Variants in KIRREL1 observed in about 807,000 individuals in gnomAD.
KIRREL1 encodes the protein kin of IRRE-like protein 1.
A neutral mutation model predicts 83.3 loss-of-function variants in KIRREL1; 25 were observed. The ratio of observed to expected loss-of-function variants is 0.30; its 90% CI spans 0.22 to 0.42. The LOEUF (loss-of-function observed/expected upper bound fraction) is 0.42. Among genes scored for constraint, KIRREL1 ranks in the 10% least tolerant of loss-of-function variants. The probability of loss-of-function intolerance (pLI) is 1.00; values close to 1 mark genes in which losing one functional copy is unlikely to be tolerated. For missense variants in KIRREL1, 812 were observed against 1,032.3 expected (o/e 0.79, Z 2.92); for synonymous variants, 388 against 410.4 (o/e 0.95, Z 0.66).
At chr1:158,093,850 C>G (rs1662276780) in intron 13 of KIRREL1, 88 bp downstream of exon 13, 3 of 1,413,734 alleles carry the variant, frequency 2.1e-6, no homozygotes. Flanking sequence ...CGCGGTCATT[C>G]TCTCCTTCCT....
intron 3 of KIRREL1, among the ~76,000 whole-genome samples, chr1:158,080,868 C>T (rs1449680370): frequency 1.3e-5 from 2 of 152,240 alleles, no homozygotes; most frequent in Non-Finnish European, 2.9e-5. Flanking sequence ...TCCCTTCCTG[C>T]GTACCTGCTT....
chr1:158,041,577 C>T (rs1009925250), intron 1 of KIRREL1, among the ~76,000 whole-genome samples: 12 of 152,150 alleles, frequency 7.9e-5, no homozygotes, highest in African/African-American at 2.2e-4. Context: ...CTGAGGGACC[C>T]CTGCCCTCTG....
Position 158,094,170 on chromosome 1 carries a change from G to T in KIRREL1, c.1720-143G>T. 1.4e-6 allele frequency: 1 copy of T among 725,072 alleles called. No individual in the cohort carries two copies. Among genetic ancestry groups the T allele is most frequent in the Non-Finnish European group, 2.5e-6 (1 of 405,990 alleles). 44.9% of individuals were successfully genotyped at this position (725,072 alleles called of 1,614,324 possible). ...CTTCCCACCACATCCCAGAGCCTCT[G>T]CTGAGAGGACCAGAACTCAAGTCTG... On this transcript the variant is annotated intron_variant, in intron 13 of 14. Coordinates refer to ENST00000359209, the MANE Select transcript of KIRREL1 (RefSeq NM_018240.7). The surrounding 1 kb of genome is among the most constrained non-coding windows in gnomAD (Gnocchi z 4.6).
intron 1 of KIRREL1, among the ~76,000 whole-genome samples, chr1:158,074,685 G>A (rs941402597): frequency 6.6e-6 from 1 of 152,142 alleles, no homozygotes; most frequent in South Asian, 2.1e-4. Flanking sequence ...CCTGGAAGAG[G>A]GACATGTAGA....
intron 1 of KIRREL1, among the ~76,000 whole-genome samples, chr1:158,049,767 G>A (rs919360726): frequency 4.6e-5 from 7 of 152,144 alleles, no homozygotes; most frequent in African/African-American, 1.4e-4. Flanking sequence ...ACCTATTTAG[G>A]AGGGATATTT....
chr1:158,021,081 C>G (rs949559969), intron 1 of KIRREL1, among the ~76,000 whole-genome samples: 5 of 152,082 alleles, frequency 3.3e-5, no homozygotes, highest in African/African-American at 7.2e-5. Context: ...CAGCAGCAAC[C>G]TAAAAATGGC....
At chr1:158,042,212 G>GGTGT (rs10577493) in intron 1 of KIRREL1, among the ~76,000 whole-genome samples, 12,206 of 137,598 alleles carry the variant, frequency 0.089, 572 homozygotes, top group Non-Finnish European at 0.11. Flanking sequence ...TCTTCTCCAG[G>GGTGT]GTGTGTGTGT....
At position 158,095,104 on chromosome 1, in the gene KIRREL1, T is replaced by C; in HGVS notation, c.2258T>C (p.Met753Thr). Residue 753 changes from methionine (M) to threonine (T), a missense_variant, in exon 15 of 15, where the codon ATG becomes ACG. Transcript: ENST00000359209. ...TACGGCCAGCGATTCCAGCAGCGCATGCAGACTCACGTGTAGGGGCCAGAG... is the reference window on the plus strand; with the variant it reads ...TACGGCCAGCGATTCCAGCAGCGCACGCAGACTCACGTGTAGGGGCCAGAG... Reference protein sequence around the residue: ...SDYGQRFQQRMQTHV With the variant: ...SDYGQRFQQRTQTHV 1.2e-6 allele frequency: 2 copies of C among 1,601,300 alleles called. No homozygotes were observed. Among genetic ancestry groups the C allele is most frequent in the Non-Finnish European group, 1.7e-6 (2 of 1,171,440 alleles).
chr1:158,094,346 C>T lies in KIRREL1; in HGVS notation c.1753C>T (p.Leu585=), dbSNP rs1471689721. ...FKDDVDLKQD[L]RCDTIDTREE... is the part of the protein sequence containing the mutation. The stretch of plus-strand genomic sequence containing the variant: ...GGATGATGTGGATCTGAAGCAGGAC[C>T]TGCGCTGCGACACCATCGACACCCG... The change falls in exon 14 of 15, where the codon CTG becomes TTG. Residue 585 remains leucine, a synonymous_variant. Coordinates refer to ENST00000359209, the MANE Select transcript of KIRREL1 (RefSeq NM_018240.7). The surrounding 1 kb of genome is among the most constrained non-coding windows in gnomAD (Gnocchi z 4.6). 6.2e-7 allele frequency: 1 copy of T among 1,611,840 alleles called. No individual in the cohort carries two copies. The highest frequency in any genetic ancestry group is 1.7e-5 in the Admixed American group (1 of 59,670).
intron 10 of KIRREL1, 100 bp from the exon 11 acceptor site, chr1:158,091,258 A>C: frequency 9.2e-7 from 1 of 1,091,400 alleles, no homozygotes; most frequent in Non-Finnish European, 1.3e-6. Flanking sequence ...CACATGGCAC[A>C]TAGGGGTGAG....
chr1:158,081,894 C>T (rs189381714), intron 3 of KIRREL1, among the ~76,000 whole-genome samples: 6 of 152,300 alleles, frequency 3.9e-5, no homozygotes, highest in Non-Finnish European at 7.4e-5. Flanking sequence ...GGGCTTCACA[C>T]ACCCGGGCAC....
chr1:158,033,146 G>A (rs1018136632), intron 1 of KIRREL1, among the ~76,000 whole-genome samples: 2 of 152,000 alleles, frequency 1.3e-5, no homozygotes, highest in African/African-American at 4.8e-5. Flanking sequence ...GCGCGATCTT[G>A]CTGCAACCTC....
At chr1:158,019,676 C>T (rs761897739) in intron 1 of KIRREL1, among the ~76,000 whole-genome samples, 7 of 152,030 alleles carry the variant, frequency 4.6e-5, no homozygotes, top group Non-Finnish European at 5.9e-5. Flanking sequence ...CCAGGGAGCA[C>T]GGGGCAGGAA....
chr1:157,998,909 C>T (rs546076782), intron 1 of KIRREL1, among the ~76,000 whole-genome samples: 78 of 152,304 alleles, frequency 5.1e-4, no homozygotes, highest in African/African-American at 1.9e-3. Flanking sequence ...ATGTTACTCC[C>T]ATTTTATAGA....
chr1:157,993,713 G>A lies in KIRREL1; in HGVS notation c.37G>A (p.Asp13Asn), dbSNP rs773304256. ...SLLVWILTLS[D>N]TFSQGTQTRF... ...CCTCGTCTGGATCCTCACTCTCTCC[G>A]ATACTTTCTCCCAAGGTAAGGGCCC... The change falls in exon 1 of 15, where the codon GAT becomes AAT. Residue 13 changes from aspartate to asparagine, a missense_variant. By Grantham distance (23) the Asp-to-Asn change is conservative. Coordinates refer to ENST00000359209, the MANE Select transcript of KIRREL1 (RefSeq NM_018240.7). 3.3e-6 allele frequency: 5 copies of A among 1,494,096 alleles called. No individual in the cohort carries two copies. The highest frequency in any genetic ancestry group is 4.5e-6 in the Non-Finnish European group (5 of 1,120,284). 92.6% of individuals were successfully genotyped at this position (1,494,096 alleles called of 1,614,324 possible). A position where few individuals can be genotyped will look rare whatever the true frequency, so the allele number is the denominator to read the frequency against.
intron 1 of KIRREL1, among the ~76,000 whole-genome samples, chr1:158,066,781 G>C (rs985620397): frequency 6.6e-6 from 1 of 152,060 alleles, no homozygotes; most frequent in Admixed American, 6.5e-5. Context: ...CCTCCTTCCC[G>C]CTCTGTCTTT....
In KIRREL1 at chr1:158,078,034, G is replaced by A. The variant is rs764599518; in HGVS notation, c.246G>A (p.Gln82=). Residue 82 remains glutamine, a synonymous_variant, in exon 3 of 15, where the codon CAG becomes CAA. Coordinates refer to ENST00000359209, the MANE Select transcript of KIRREL1 (RefSeq NM_018240.7). ...TTGTGGGCTCCGCAGACGCTGGGCA[G>A]TACAACCTGGAGATCACAGATGCTG... ...YRVVGSADAG[Q]YNLEITDAEL... 3.1e-6 allele frequency: 5 copies of A among 1,614,078 alleles called. No individual in the cohort carries two copies. The African/African-American group carries it at 6.7e-5, about 22-fold the overall frequency.
chr1:158,053,684 A>T (rs1002848803), intron 1 of KIRREL1, among the ~76,000 whole-genome samples: 2 of 152,160 alleles, frequency 1.3e-5, no homozygotes, highest in African/African-American at 4.8e-5. Context: ...ACCAGAGCTG[A>T]TGATTGACCT....
chr1:158,042,823 A>C (rs980592365), intron 1 of KIRREL1, among the ~76,000 whole-genome samples: 14 of 151,602 alleles, frequency 9.2e-5, no homozygotes, highest in African/African-American at 3.4e-4. Flanking sequence ...CCTGTAATCC[A>C]AGCACTTTGG....
Sources: gnomAD v4.1 joint callset for allele counts (sites outside exome capture counted in the v4.1 genomes callset) on GRCh38, gnomAD v4.1.1 for gene constraint, Gnocchi (gnomAD v3.1) non-coding constraint, MANE v1.5 for transcripts, NCBI Gene and HGNC (gene_info 2026-07-23, HGNC 2026-07-21) for gene names.